The following MARCO variants were observed in gnomAD, a reference collection of about 807,000 sequenced individuals.
The protein encoded by MARCO is macrophage receptor MARCO.
In MARCO, 72 loss-of-function variants were observed where a neutral mutation model predicts 70.0. That is an observed-to-expected ratio of 1.03 (90% confidence interval 0.85 to 1.25). The LOEUF is 1.25. Ranked by LOEUF, MARCO falls within the 50% of genes most tolerant of loss-of-function variation. The pLI is 0.00. For synonymous variants in MARCO, 273 were observed against 243.1 expected (o/e 1.12, Z -1.14); for missense variants, 696 against 659.3 (o/e 1.06, Z -0.61).
At chr2:118,945,404 C>CTTTTTTTTTTTTTTTTTTTTTTTTTTTTT (rs55684033) in intron 1 of MARCO, among the ~76,000 whole-genome samples, 1 of 123,066 alleles carries the variant, frequency 8.1e-6, no homozygotes, top group African/African-American at 3.1e-5. Flanking sequence ...CCTCTTGTTT[C>CTTTTTTTTTTTTTTTTTTTTTTTTTTTTT]TTTTTTTTTT....
intron 12 of MARCO, among the ~76,000 whole-genome samples, chr2:118,989,104 C>A (rs1195010702): frequency 6.6e-6 from 1 of 152,180 alleles, no homozygotes; most frequent in Non-Finnish European, 1.5e-5. Flanking sequence ...TGCTTTACTG[C>A]CTTGGGAGAA....
At chr2:118,950,128 G>T (rs558324920) in intron 1 of MARCO, among the ~76,000 whole-genome samples, 2 of 152,012 alleles carry the variant, frequency 1.3e-5, no homozygotes, top group African/African-American at 4.8e-5. Flanking sequence ...ACAGTGCTTC[G>T]TATATGATTT....
Position 118,990,569 on chromosome 2 carries a change from C to CGGGGGGGGGGGGTG in MARCO, c.1064-20_1064-19insGGGGGGGGGGGGTG. On this transcript the variant is annotated intron_variant, in intron 12 of 16. Transcript: ENST00000327097. ...AGTTTTATTATCTCCTCCCCCCCCC[C>CGGGGGGGGGGGGTG]TTTTTTGTTTTGATCTTAGGACTTC... 1 of 1,415,984 alleles carries CGGGGGGGGGGGGTG rather than the reference C, an allele frequency of 7.1e-7. No individual in the cohort carries two copies. The highest frequency in any genetic ancestry group is 9.7e-7 in the Non-Finnish European group (1 of 1,028,340). 87.7% of individuals were successfully genotyped at this position (1,415,984 alleles called of 1,614,324 possible).
rs199722793 is a variant in MARCO, at chr2:118,942,425, A to G, written c.97+28A>G. The G allele has an allele frequency of 2.7e-4, 403 of 1,502,392 alleles. 1 individual carries two copies. In the African/African-American group the frequency reaches 5.1e-3, roughly 19 times the overall value. The allele number at this position is 1,502,392 out of a possible 1,614,324, so 93.1% of individuals were successfully genotyped here. A position where few individuals can be genotyped will look rare whatever the true frequency, so the allele number is the denominator to read the frequency against. On this transcript the variant is annotated intron_variant, in intron 1 of 16. Coordinates refer to ENST00000327097, the MANE Select transcript of MARCO (RefSeq NM_006770.4). ...AAAGTACGATTCCCCAATAATGGAA[A>G]TGACCAGAAATGTAGTCTTTCTGCT...
intron 16 of MARCO, among the ~76,000 whole-genome samples, chr2:118,993,753 G>A (rs1335173769): frequency 6.6e-6 from 1 of 152,204 alleles, no homozygotes; most frequent in South Asian, 2.1e-4. Context: ...AAGAGAAGAT[G>A]GGAAGGGAAG....
At chr2:118,989,514 C>T (rs1447477517) in intron 12 of MARCO, among the ~76,000 whole-genome samples, 5 of 152,168 alleles carry the variant, frequency 3.3e-5, no homozygotes, top group Non-Finnish European at 7.3e-5. Flanking sequence ...TCTGAAATGC[C>T]CCCAGAGTCA....
intron 1 of MARCO, among the ~76,000 whole-genome samples, chr2:118,943,854 A>G (rs1040327200): frequency 6.6e-6 from 1 of 152,198 alleles, no homozygotes; most frequent in African/African-American, 2.4e-5. Flanking sequence ...GTGGGGAAGC[A>G]GGAAGGGGCC....
At chr2:118,965,677 C>T (rs72836145) in intron 1 of MARCO, among the ~76,000 whole-genome samples, 19,476 of 152,100 alleles carry the variant, frequency 0.13, 1,377 homozygotes, top group South Asian at 0.27. Context: ...TTTAAAACTT[C>T]TATTTTAGTA....
chr2:118,957,504 C>T (rs889761277), intron 1 of MARCO, among the ~76,000 whole-genome samples: 5 of 151,668 alleles, frequency 3.3e-5, no homozygotes, highest in African/African-American at 7.3e-5. Flanking sequence ...TTAAAAATTA[C>T]CCCCCAAAAA....
chr2:118,955,228 C>G (rs1454845304), intron 1 of MARCO, among the ~76,000 whole-genome samples: 2 of 151,608 alleles, frequency 1.3e-5, no homozygotes, highest in Non-Finnish European at 2.9e-5. Context: ...GGGAGAAATA[C>G]TCAAGAAAAT....
chr2:118,953,480 G>C (rs144500525), intron 1 of MARCO, among the ~76,000 whole-genome samples: 29 of 152,256 alleles, frequency 1.9e-4, no homozygotes, highest in African/African-American at 6.7e-4. Context: ...GTTGATTTTT[G>C]TGTGTTCATC....
At chr2:118,987,004 T>C (rs1438913489) in intron 12 of MARCO, among the ~76,000 whole-genome samples, 1 of 152,152 alleles carries the variant, frequency 6.6e-6, no homozygotes, top group Non-Finnish European at 1.5e-5. Flanking sequence ...TTCACAGCAC[T>C]CTGGGTTTGA....
chr2:118,966,693 T>A (rs571310686), intron 1 of MARCO, among the ~76,000 whole-genome samples: 1 of 152,336 alleles, frequency 6.6e-6, no homozygotes, highest in East Asian at 1.9e-4. Context: ...TCAAAATATC[T>A]GTATTTTCCA....
At chr2:118,990,708 T>C (rs1465788692) in intron 13 of MARCO, 75 bp downstream of exon 13, 1 of 1,433,896 alleles carries the variant, frequency 7.0e-7, no homozygotes, top group Non-Finnish European at 9.8e-7. Flanking sequence ...GCAGGTCTTG[T>C]TGACATTGAA....
intron 1 of MARCO, among the ~76,000 whole-genome samples, chr2:118,968,878 T>C (rs898851651): frequency 6.6e-6 from 1 of 152,200 alleles, no homozygotes; most frequent in African/African-American, 2.4e-5. Context: ...TGCTGGGGCT[T>C]CACCAGTGAA....
At chr2:118,965,186 G>A (rs887061085) in intron 1 of MARCO, among the ~76,000 whole-genome samples, 3 of 152,112 alleles carry the variant, frequency 2.0e-5, no homozygotes, top group Non-Finnish European at 4.4e-5. Context: ...ATGAATTGTA[G>A]GTGTTTTGTT....
intron 1 of MARCO, chr2:118,944,889 A>C (rs964457922): frequency 6.6e-6 from 1 of 152,136 alleles, no homozygotes; most frequent in African/African-American, 2.4e-5. Flanking sequence ...TCATTAGAAC[A>C]AGCCTCCTTC....
intron 1 of MARCO, among the ~76,000 whole-genome samples, chr2:118,953,137 C>T (rs62157378): frequency 0.077 from 11,751 of 152,220 alleles, 518 homozygotes; most frequent in South Asian, 0.15. Context: ...TAGGTAAGTA[C>T]AGGGAAGAGC....
At chr2:118,976,006 C>T (rs768762523) in intron 6 of MARCO, among the ~76,000 whole-genome samples, 3 of 152,064 alleles carry the variant, frequency 2.0e-5, no homozygotes, top group African/African-American at 7.2e-5. Context: ...CTCTTTCCTC[C>T]GAGAGAGAGG....
Sources: gnomAD v4.1 joint callset for allele counts (sites outside exome capture counted in the v4.1 genomes callset) on GRCh38, gnomAD v4.1.1 for gene constraint, MANE v1.5 for transcripts, NCBI Gene and HGNC (gene_info 2026-07-23, HGNC 2026-07-21) for gene names.